The following MYNN variants were observed in gnomAD, a reference collection of about 807,000 sequenced individuals.
MYNN encodes the protein myoneurin.
Under a neutral mutation model 57.2 loss-of-function variants are expected in MYNN, and 22 were observed. The observed-to-expected ratio is 0.38, with a 90% CI of 0.27 to 0.55. The LOEUF is 0.55. Among genes scored for constraint, MYNN ranks in the 20% least tolerant of loss-of-function variants. MYNN has a pLI of 0.71. For missense variants in MYNN, 566 were observed against 723.1 expected (o/e 0.78, Z 2.49); for synonymous variants, 241 against 257.1 (o/e 0.94, Z 0.60).
chr3:169,782,712 T>A lies in MYNN; in HGVS notation c.1399+69T>A, dbSNP rs982717390. On this transcript the variant is annotated intron_variant, in intron 5 of 7. Coordinates refer to ENST00000349841, the MANE Select transcript of MYNN (RefSeq NM_018657.5). This position sits in a 1 kb window ranked among gnomAD's most constrained non-coding sequence, Gnocchi z 4.8. ...AAAAGAAAAAGGGGACTTGGGCCTT[T>A]TAGCGAAGTAGATCGGAAACTTTGT... 1.1e-5 allele frequency: 15 copies of A among 1,329,476 alleles called. No individual in the cohort carries two copies. The highest frequency in any genetic ancestry group is 1.6e-5 in the Non-Finnish European group (15 of 964,482). The allele number at this position is 1,329,476 out of a possible 1,614,324, so 82.4% of individuals were successfully genotyped here.
chr3:169,773,741 C>T (rs1332992180), intron 1 of MYNN, among the ~76,000 whole-genome samples: 2 of 152,174 alleles, frequency 1.3e-5, no homozygotes, highest in Admixed American at 1.3e-4. Flanking sequence ...AAGGTGTGGC[C>T]TCCTTAGCGC....
In MYNN at chr3:169,774,329, G is replaced by A. The variant is rs368002667; in HGVS notation, c.34G>A (p.Glu12Lys). The A allele has an allele frequency of 5.4e-5, 87 of 1,614,006 alleles. No homozygotes were observed. Among genetic ancestry groups the A allele is most frequent in the Non-Finnish European group, 7.1e-5 (84 of 1,180,008 alleles). The change falls in exon 2 of 8, where the codon GAG becomes AAG. Residue 12 changes from glutamate to lysine, a missense_variant. This residue lies in a region of MYNN where 26 missense variants were observed against 55.8 expected (regional missense o/e 0.47). Transcript: ENST00000349841. ...QYSHHCEHLL[E>K]RLNKQREAGF... is the part of the protein sequence containing the mutation. ...TTCGCACCACTGTGAGCACCTTTTA[G>A]AGAGACTGAACAAACAGCGGGAAGC...
rs1012334048 is a variant in MYNN at position 169,789,144 on chromosome 3, G to A, written c.*2466G>A. 1.2e-4 allele frequency: 19 copies of A among 152,154 alleles called. No individual in the cohort carries two copies. Among genetic ancestry groups the A allele is most frequent in the Non-Finnish European group, 2.6e-4 (18 of 67,982 alleles). The allele number at this position is 152,154 out of a possible 1,614,324, so 9.4% of individuals were successfully genotyped here. ...ATTTTAGACTATTTTAAAAGAAACCGTAGATTATATAAAAATTTTTTTGCT... is the reference window on the plus strand; with the variant it reads ...ATTTTAGACTATTTTAAAAGAAACCATAGATTATATAAAAATTTTTTTGCT... On this transcript the variant is annotated 3_prime_UTR_variant, in exon 8 of 8. Transcript: ENST00000349841.
chr3:169,784,647 A>G lies in MYNN; in HGVS notation c.1509A>G (p.Leu503=). Residue 503 remains leucine, a synonymous_variant, in exon 7 of 8, where the codon TTA becomes TTG. Transcript: ENST00000349841. The part of the protein sequence containing the change: ...HTGERPFICE[L]CGNSYTDIKN... ...GAGAAAGACCATTTATCTGCGAATT[A>G]TGTGGAAATTCTTACACAGATATTA... The G allele has an allele frequency of 4.4e-6, 7 of 1,577,084 alleles. No homozygotes were observed. Among genetic ancestry groups the G allele is most frequent in the Non-Finnish European group, 6.0e-6 (7 of 1,162,256 alleles).
chr3:169,774,469 G>A lies in MYNN; in HGVS notation c.174G>A (p.Glu58=). The A allele has an allele frequency of 1.2e-6, 2 of 1,614,074 alleles. No homozygotes were observed. The highest frequency in any genetic ancestry group is 1.7e-6 in the Non-Finnish European group (2 of 1,179,992). ...YFGAIYRSTS[E]NNVFLDQSQV... ...GTGCGATCTACAGAAGCACTTCTGA[G>A]AACAATGTCTTTCTTGATCAGAGTC... The change falls in exon 2 of 8, where the codon GAG becomes GAA. Residue 58 remains glutamate, a synonymous_variant. Transcript: ENST00000349841.
rs752690208 is a variant in MYNN, at chr3:169,780,639, A to C, written c.1110A>C (p.Lys370Asn). The C allele has an allele frequency of 6.2e-7, 1 of 1,612,868 alleles. No homozygotes were observed. The highest frequency in any genetic ancestry group is 1.1e-5 in the South Asian group (1 of 90,744). Residue 370 changes from lysine (K) to asparagine (N), a missense_variant, in exon 4 of 8, where the codon AAA becomes AAC. This residue lies in a region of MYNN where 123 missense variants were observed against 222.6 expected (regional missense o/e 0.55). Transcript: ENST00000349841. Reference protein sequence around the residue: ...CELCDKGFAQKCQLVFHSRMH... With the variant: ...CELCDKGFAQNCQLVFHSRMH... Reference sequence around the variant, plus strand: ...TGTGTGATAAAGGATTTGCTCAGAAATGTCAGCTAGTCTTCCATAGTCGCA... The same window carrying C: ...TGTGTGATAAAGGATTTGCTCAGAACTGTCAGCTAGTCTTCCATAGTCGCA...
chr3:169,779,338 C>T lies in MYNN; in HGVS notation c.837C>T (p.Ser279=), dbSNP rs750243131. Residue 279 remains serine (S), a synonymous_variant, in exon 3 of 8, where the codon AGC becomes AGT. Coordinates refer to ENST00000349841, the MANE Select transcript of MYNN (RefSeq NM_018657.5). ...LKEHSMSNIA[S]VKSPYEAENS... ...AACACTCTATGTCTAATATAGCCAG[C>T]GTCAAGAGTCCTTATGAGGCGGAGA... The T allele has an allele frequency of 3.7e-6, 6 of 1,614,034 alleles. No homozygotes were observed. The highest frequency in any genetic ancestry group is 2.2e-5 in the East Asian group (1 of 44,904).
chr3:169,786,349 T>C, intron 7 of MYNN, 67 bp from the exon 8 acceptor site: 1 of 1,445,778 alleles, frequency 6.9e-7, no homozygotes, highest in South Asian at 1.3e-5. Context: ...GGTAAGTACA[T>C]TAGTCTACCT....
chr3:169,780,910 T>C lies in MYNN; in HGVS notation c.1220+161T>C, dbSNP rs538350012. 3.9e-5 allele frequency among the ~76,000 whole-genome samples: 6 copies of C among 152,158 alleles called. No individual in the cohort carries two copies. The South Asian group carries it at 8.3e-4, about 21-fold the overall frequency. On this transcript the variant is annotated intron_variant, in intron 4 of 7. Coordinates refer to ENST00000349841, the MANE Select transcript of MYNN (RefSeq NM_018657.5). ...ACCACAAGGAAGCCACAGTGGTTGA[T>C]AGGAAATAAGCAGGGGGTGGGGACT...
At chr3:169,773,830 A>G (rs959747383) in intron 1 of MYNN, among the ~76,000 whole-genome samples, 2 of 152,196 alleles carry the variant, frequency 1.3e-5, no homozygotes, top group African/African-American at 2.4e-5. Flanking sequence ...GTTTTGGAGA[A>G]ACTGCACTGG....
intron 6 of MYNN, 143 bp from the exon 7 acceptor site, chr3:169,784,479 A>G: frequency 1.7e-6 from 1 of 583,664 alleles, no homozygotes; most frequent in Non-Finnish European, 3.0e-6. Context: ...TCACTATATT[A>G]TAACCAGGTG....
At chr3:169,783,591 T>C in intron 6 of MYNN, 31 bp downstream of exon 6, 1 of 1,465,924 alleles carries the variant, frequency 6.8e-7, no homozygotes, top group Non-Finnish European at 9.5e-7. Flanking sequence ...TATTATTTTT[T>C]GTTCTCTCTT....
At chr3:169,785,280 G>T (rs79992152) in intron 7 of MYNN, among the ~76,000 whole-genome samples, 1 of 151,922 alleles carries the variant, frequency 6.6e-6, no homozygotes, top group Admixed American at 6.6e-5. Flanking sequence ...GGCCCTTCTG[G>T]TGTGTAAATA....
chr3:169,778,132 G>C (rs1295804528), intron 2 of MYNN: 1 of 150,832 alleles, frequency 6.6e-6, no homozygotes, highest in African/African-American at 2.4e-5. Flanking sequence ...TGACGCAGGA[G>C]CCCAGGAGTT....
At chr3:169,773,887 G>A (rs1328832470) in intron 1 of MYNN, 2 of 158,614 alleles carry the variant, frequency 1.3e-5, no homozygotes, top group Non-Finnish European at 2.8e-5. Flanking sequence ...TTAAAAACTC[G>A]TACTGTTCTG....
At chr3:169,783,957 G>A (rs926896602) in intron 6 of MYNN, 1 of 265,516 alleles carries the variant, frequency 3.8e-6, no homozygotes, top group Non-Finnish European at 7.4e-6. Context: ...GTAAAAAGTA[G>A]TTTGTAAATT....
intron 6 of MYNN, 27 bp downstream of exon 6, chr3:169,783,587 T>C (rs1158254823): frequency 2.0e-6 from 3 of 1,497,846 alleles, no homozygotes; most frequent in Non-Finnish European, 2.8e-6. Context: ...AACGTATTAT[T>C]TTTTGTTCTC....
chr3:169,774,192 C>T lies in MYNN; in HGVS notation c.-31-73C>T, dbSNP rs113007230. 24 of 1,180,228 alleles carry T rather than the reference C, an allele frequency of 2.0e-5. No homozygotes were observed. In the African/African-American group the frequency reaches 2.1e-4, roughly 10 times the overall value. 73.1% of individuals were successfully genotyped at this position (1,180,228 alleles called of 1,614,324 possible). A position where few individuals can be genotyped will look rare whatever the true frequency, so the allele number is the denominator to read the frequency against. ...GGGCTAAAATTGTTTAAGTTATGTC[C>T]TCTGTCCCTTCCCTCACTGAACGTT... On this transcript the variant is annotated intron_variant, in intron 1 of 7. Coordinates refer to ENST00000349841, the MANE Select transcript of MYNN (RefSeq NM_018657.5).
At chr3:169,778,284 T>A (rs1778406668) in intron 2 of MYNN, 1 of 155,076 alleles carries the variant, frequency 6.4e-6, no homozygotes, top group African/African-American at 2.4e-5. Flanking sequence ...TTAACAAGAT[T>A]CCCGGGTGAT....
Sources: gnomAD v4.1 joint callset for allele counts (sites outside exome capture counted in the v4.1 genomes callset) on GRCh38, gnomAD v4.1.1 for gene constraint, gnomAD v4.1.1 regional missense constraint, Gnocchi (gnomAD v3.1) non-coding constraint, MANE v1.5 for transcripts, NCBI Gene and HGNC (gene_info 2026-07-23, HGNC 2026-07-21) for gene names.